The following PRAC2 variants were observed in gnomAD, a reference collection of about 807,000 sequenced individuals.
PRAC2 encodes protein PRAC2.
For synonymous variants in PRAC2, 43 were observed against 49.5 expected (o/e 0.87, Z 0.55); for missense variants, 92 against 114.5 (o/e 0.80, Z 0.90).
chr17:48,719,822 T>C (rs1194471341), upstream of PRAC2, among the ~76,000 whole-genome samples: 1 of 152,132 alleles, frequency 6.6e-6, no homozygotes, highest in Non-Finnish European at 1.5e-5. Context: ...AGGCAAGGAT[T>C]GGAAGCTCTT....
At chr17:48,719,444 G>A (rs1052363738), upstream of PRAC2, among the ~76,000 whole-genome samples, 3 of 151,792 alleles carry the variant, frequency 2.0e-5, no homozygotes, top group African/African-American at 7.3e-5. Context: ...AACCCGCGGG[G>A]CTCGGCAGCC....
chr17:48,719,241 A>ACG (rs1555557237), upstream of PRAC2, among the ~76,000 whole-genome samples: 1 of 150,618 alleles, frequency 6.6e-6, no homozygotes. Flanking sequence ...ACACACACAC[A>ACG]CACGCACACG....
upstream of PRAC2, among the ~76,000 whole-genome samples, chr17:48,720,360 C>T (rs1353284998): frequency 6.6e-6 from 1 of 152,226 alleles, no homozygotes; most frequent in Non-Finnish European, 1.5e-5. Flanking sequence ...CCGCGACCTG[C>T]ATTTTCTGGC....
upstream of PRAC2, among the ~76,000 whole-genome samples, chr17:48,720,752 T>A (rs1322536790): frequency 2.6e-5 from 4 of 152,184 alleles, no homozygotes; most frequent in Non-Finnish European, 2.9e-5. Context: ...TATATGCAGA[T>A]CTGTCCAGTG....
upstream of PRAC2, among the ~76,000 whole-genome samples, chr17:48,720,822 C>T (rs1393598422): frequency 6.6e-6 from 1 of 152,162 alleles, no homozygotes; most frequent in Non-Finnish European, 1.5e-5. Context: ...AGCTGGGTGA[C>T]TCCGGATGGA....
upstream of PRAC2, chr17:48,722,393 C>T (rs769402207): frequency 7.4e-6 from 12 of 1,614,064 alleles, no homozygotes; most frequent in Admixed American, 1.3e-4. Context: ...CGCACAACAT[C>T]GCTGTTCTCT....
chr17:48,719,792 C>A (rs1346860690), upstream of PRAC2, among the ~76,000 whole-genome samples: 2 of 152,168 alleles, frequency 1.3e-5, no homozygotes. Flanking sequence ...TAGCTGCAGG[C>A]CCGGCGGGTG....
At chr17:48,720,256 G>T (rs2038132328), upstream of PRAC2, among the ~76,000 whole-genome samples, 1 of 152,216 alleles carries the variant, frequency 6.6e-6, no homozygotes, top group Non-Finnish European at 1.5e-5. Context: ...CCCAGGCTTC[G>T]CCTGGGGGTC....
At position 48,724,719 on chromosome 17, in the gene PRAC2, T is replaced by C; in HGVS notation, c.*36T>C. On this transcript the variant is annotated 3_prime_UTR_variant, in exon 2 of 2. Transcript: ENST00000422730. ...GAAGGGGGCGCCCACGTCTTTTTAA[T>C]GGTCCTAACACACCAGTGGAATAAA... is the stretch of plus-strand genomic sequence containing the variant. 9.2e-7 allele frequency: 1 copy of C among 1,081,236 alleles called. No individual in the cohort carries two copies. Among genetic ancestry groups the C allele is most frequent in the Non-Finnish European group, 1.2e-6 (1 of 850,804 alleles). 67.0% of individuals were successfully genotyped at this position (1,081,236 alleles called of 1,614,324 possible).
chr17:48,723,827 A>C, intron 1 of PRAC2: 8 of 1,168,202 alleles, frequency 6.8e-6, no homozygotes, highest in Non-Finnish European at 7.5e-6. Context: ...AGGCCTAATA[A>C]AATCCACTTG....
chr17:48,723,335 T>C (rs1053159819), intron 1 of PRAC2, 22 bp downstream of exon 1: 1 of 210,972 alleles, frequency 4.7e-6, no homozygotes. Flanking sequence ...ATCTATTTAA[T>C]TCGCGGTTGC....
upstream of PRAC2, chr17:48,721,806 G>T: frequency 5.2e-6 from 8 of 1,540,148 alleles, no homozygotes; most frequent in Non-Finnish European, 7.0e-6. Context: ...TGTGCTCAAG[G>T]AATCTTCCTG....
upstream of PRAC2, among the ~76,000 whole-genome samples, chr17:48,719,212 AAC>A (rs3060082): frequency 0.024 from 3,428 of 140,814 alleles, 53 homozygotes; most frequent in South Asian, 0.037. Flanking sequence ...CTCGCACACA[AAC>A]ACACACACAC....
upstream of PRAC2, chr17:48,721,840 A>G: frequency 6.5e-7 from 1 of 1,543,966 alleles, no homozygotes; most frequent in Non-Finnish European, 8.8e-7. Flanking sequence ...AAATTCCAGA[A>G]TTACAGGCTG....
intron 1 of PRAC2, 148 bp downstream of exon 1, chr17:48,723,461 G>T (rs143482686): frequency 3.7e-5 from 14 of 381,488 alleles, no homozygotes; most frequent in Non-Finnish European, 4.6e-5. Context: ...TTTAATGAAG[G>T]GGGGGAGGGG....
upstream of PRAC2, chr17:48,721,936 T>C: frequency 6.8e-7 from 1 of 1,477,880 alleles, no homozygotes; most frequent in Non-Finnish European, 9.0e-7. Context: ...TTTTAAATAA[T>C]AATAACGTTA....
At chr17:48,719,428 C>G (rs2038124603), upstream of PRAC2, among the ~76,000 whole-genome samples, 1 of 151,934 alleles carries the variant, frequency 6.6e-6, no homozygotes, top group African/African-American at 2.4e-5. Context: ...GGGAAGGCAG[C>G]TGGGAAACCC....
upstream of PRAC2, among the ~76,000 whole-genome samples, chr17:48,719,239 A>ACG (rs1555557231): frequency 0.012 from 1,670 of 136,694 alleles, 31 homozygotes; most frequent in African/African-American, 0.042. Context: ...ACACACACAC[A>ACG]CACACGCACA....
chr17:48,719,956 T>C (rs943597188), upstream of PRAC2, among the ~76,000 whole-genome samples: 5 of 152,102 alleles, frequency 3.3e-5, no homozygotes, highest in African/African-American at 1.2e-4. Context: ...GTTTATAGCC[T>C]GACTCAAGTT....
Sources: allele counts gnomAD v4.1 joint callset (sites outside exome capture counted in the v4.1 genomes callset), GRCh38; gene constraint gnomAD v4.1.1; transcripts MANE v1.5; gene names NCBI Gene and HGNC (gene_info 2026-07-23, HGNC 2026-07-21).